TTC28: variants seen among roughly 807,000 people sequenced by gnomAD.
TTC28 encodes tetratricopeptide repeat domain 28.
TTC28 carries 61 observed loss-of-function variants against 198.0 expected under a neutral mutation model. The observed-to-expected ratio is 0.31, with a 90% CI of 0.25 to 0.38. The LOEUF is 0.38. Ranked by LOEUF, TTC28 falls within the 10% of genes least tolerant of loss-of-function variation. The probability of loss-of-function intolerance (pLI) is 1.00; values close to 1 mark genes in which losing one functional copy is unlikely to be tolerated. For synonymous variants in TTC28, 1,171 were observed against 1,297.8 expected (o/e 0.90, Z 2.10); for missense variants, 2,678 against 3,164.0 (o/e 0.85, Z 3.69).
intron 16 of TTC28, chr22:27,998,294 G>A (rs377134855): frequency 6.4e-5 from 40 of 620,866 alleles, no homozygotes; most frequent in African/African-American, 6.1e-4. Flanking sequence ...GACATCAGGA[G>A]GAGTTTCACA....
chr22:28,335,636 G>A (rs1339056934), intron 2 of TTC28, among the ~76,000 whole-genome samples: 1 of 152,072 alleles, frequency 6.6e-6, no homozygotes, highest in African/African-American at 2.4e-5. Context: ...TTGGCTCTCT[G>A]TTTGTCTGTT....
At chr22:28,337,230 T>C (rs1010540800) in intron 2 of TTC28, among the ~76,000 whole-genome samples, 5 of 152,246 alleles carry the variant, frequency 3.3e-5, no homozygotes, top group Admixed American at 3.3e-4. Context: ...TCTGTTCTTT[T>C]ACATTTGCTG....
intron 6 of TTC28, among the ~76,000 whole-genome samples, chr22:28,155,222 T>C (rs866072338): frequency 1.2e-4 from 19 of 152,382 alleles, no homozygotes; most frequent in Middle Eastern, 3.4e-3. Context: ...AATCATGTGC[T>C]TTCCCTAACT....
chr22:28,385,200 G>A (rs1006312077), intron 2 of TTC28, among the ~76,000 whole-genome samples: 3 of 149,214 alleles, frequency 2.0e-5, no homozygotes, highest in Non-Finnish European at 3.0e-5. Flanking sequence ...TTCCAGCTAT[G>A]TGACCCTGAA....
intron 12 of TTC28, among the ~76,000 whole-genome samples, chr22:28,056,694 T>TTA (rs1940304162): frequency 1.3e-5 from 2 of 152,170 alleles, no homozygotes; most frequent in South Asian, 4.1e-4. Flanking sequence ...TTAATGTACA[T>TTA]TAAGGAAGTT....
intron 12 of TTC28, among the ~76,000 whole-genome samples, chr22:28,036,065 G>A (rs868143283): frequency 1.3e-5 from 2 of 151,948 alleles, no homozygotes; most frequent in Admixed American, 6.6e-5. Flanking sequence ...CCCCTCTGTC[G>A]ATATTAGACA....
chr22:28,610,752 G>A (rs1301688594), intron 2 of TTC28, among the ~76,000 whole-genome samples: 1 of 152,102 alleles, frequency 6.6e-6, no homozygotes, highest in Non-Finnish European at 1.5e-5. Context: ...GGCTTCAGAA[G>A]GTGGGTAATA....
At chr22:28,007,896 C>G (rs911280729) in intron 14 of TTC28, 3 of 152,210 alleles carry the variant, frequency 2.0e-5, no homozygotes, top group Non-Finnish European at 4.4e-5. Flanking sequence ...ATTTTTCCTC[C>G]TCCTAATCAG....
At chr22:28,467,029 A>T (rs921837828) in intron 2 of TTC28, among the ~76,000 whole-genome samples, 1 of 152,236 alleles carries the variant, frequency 6.6e-6, no homozygotes, top group African/African-American at 2.4e-5. Flanking sequence ...ATACTTTGTT[A>T]ATATAAATCA....
At chr22:28,650,053 T>A (rs935860660) in intron 1 of TTC28, among the ~76,000 whole-genome samples, 2 of 152,148 alleles carry the variant, frequency 1.3e-5, no homozygotes, top group African/African-American at 4.8e-5. Context: ...TGTGAAGGTA[T>A]AATCATGACT....
chr22:28,192,002 C>A (rs1010044527), intron 5 of TTC28, among the ~76,000 whole-genome samples: 1 of 152,300 alleles, frequency 6.6e-6, no homozygotes, highest in African/African-American at 2.4e-5. Flanking sequence ...TCAGGTGGGT[C>A]CCTGACCGCC....
chr22:28,306,769 A>G, intron 2 of TTC28, 126 bp from the exon 3 acceptor site: 1 of 984,306 alleles, frequency 1.0e-6, no homozygotes. Flanking sequence ...AACCTAGTGA[A>G]CAGTTGGTAA....
intron 2 of TTC28, among the ~76,000 whole-genome samples, chr22:28,411,319 T>C (rs1260370243): frequency 6.6e-6 from 1 of 152,006 alleles, no homozygotes; most frequent in African/African-American, 2.4e-5. Context: ...AACTACAGAG[T>C]TGTTCAACTC....
intron 2 of TTC28, among the ~76,000 whole-genome samples, chr22:28,481,396 G>A (rs996358962): frequency 2.6e-5 from 4 of 152,138 alleles, no homozygotes; most frequent in African/African-American, 9.7e-5. Context: ...ACTGAAAAGA[G>A]AATATGAGTA....
intron 6 of TTC28, among the ~76,000 whole-genome samples, chr22:28,151,544 T>C (rs975143611): frequency 3.3e-5 from 5 of 152,212 alleles, no homozygotes; most frequent in African/African-American, 1.2e-4. Context: ...CTAGACAAGC[T>C]GGGTGACAAA....
chr22:28,114,286 A>G (rs1308319932), intron 6 of TTC28, among the ~76,000 whole-genome samples: 1 of 152,182 alleles, frequency 6.6e-6, no homozygotes, highest in African/African-American at 2.4e-5. Flanking sequence ...TAGGACCCAT[A>G]ATTCTAACCC....
chr22:28,226,505 C>T (rs565170142), intron 5 of TTC28, among the ~76,000 whole-genome samples: 2 of 151,742 alleles, frequency 1.3e-5, no homozygotes, highest in East Asian at 3.9e-4. Context: ...CAGCTCACTG[C>T]AACTTCTGCC....
intron 6 of TTC28, among the ~76,000 whole-genome samples, chr22:28,123,759 G>A (rs891176519): frequency 6.6e-6 from 1 of 152,010 alleles, no homozygotes; most frequent in Admixed American, 6.6e-5. Context: ...GAGGCGGGTG[G>A]ATTGCTTGAG....
intron 5 of TTC28, among the ~76,000 whole-genome samples, chr22:28,292,474 C>T (rs113082967): frequency 0.041 from 6,169 of 152,298 alleles, 155 homozygotes; most frequent in African/African-American, 0.057. Flanking sequence ...AATCTGCCCA[C>T]CTTGGCCTCC....
Sources: gnomAD v4.1 joint callset for allele counts (sites outside exome capture counted in the v4.1 genomes callset) on GRCh38, gnomAD v4.1.1 for gene constraint, MANE v1.5 for transcripts, NCBI Gene and HGNC (gene_info 2026-07-23, HGNC 2026-07-21) for gene names.